The following WDFY2 variants were observed in gnomAD, a reference collection of about 807,000 sequenced individuals.
WDFY2 encodes the protein WD repeat and FYVE domain containing 2.
In WDFY2, 36 loss-of-function variants were observed where a neutral mutation model predicts 56.4. That is an observed-to-expected ratio of 0.64 (90% CI 0.49 to 0.84). The LOEUF is 0.84. WDFY2 is among the 40% of genes least tolerant of loss of function. The pLI, the probability that WDFY2 is intolerant of heterozygous loss-of-function variation, is 0.00. For synonymous variants in WDFY2, 176 were observed against 183.7 expected (o/e 0.96, Z 0.34); for missense variants, 444 against 512.2 (o/e 0.87, Z 1.29).
At chr13:51,622,950 C>T (rs536092198) in intron 1 of WDFY2, among the ~76,000 whole-genome samples, 36 of 151,366 alleles carry the variant, frequency 2.4e-4, no homozygotes, top group African/African-American at 8.3e-4. Context: ...CTCCACCTCC[C>T]GGGTTCAAGC....
At chr13:51,707,627 A>G (rs1318099184) in intron 4 of WDFY2, among the ~76,000 whole-genome samples, 1 of 152,216 alleles carries the variant, frequency 6.6e-6, no homozygotes, top group Non-Finnish European at 1.5e-5. Context: ...GAAGTCCTTC[A>G]GGGAAAAAGA....
chr13:51,623,519 TA>T lies in WDFY2; in HGVS notation c.138-37067del, dbSNP rs543601525. On this transcript the variant is annotated intron_variant, in intron 1 of 11. Coordinates refer to ENST00000298125, the MANE Select transcript of WDFY2 (RefSeq NM_052950.4). Reference sequence around the variant, plus strand: ...TTACTGCCTAAGGTAAGAGTTCCATTAAAAAAAAAATCTCCATTTTTTAAAT... The same window carrying T: ...TTACTGCCTAAGGTAAGAGTTCCATTAAAAAAAAATCTCCATTTTTTAAAT... 2.5e-4 allele frequency among the ~76,000 whole-genome samples: 37 copies of T among 149,922 alleles called. No individual in the cohort carries two copies. The East Asian group carries it at 2.7e-3, about 11-fold the overall frequency.
At chr13:51,706,886 T>C (rs920225963) in intron 4 of WDFY2, among the ~76,000 whole-genome samples, 1 of 152,122 alleles carries the variant, frequency 6.6e-6, no homozygotes, top group Non-Finnish European at 1.5e-5. Flanking sequence ...AACGGGATGA[T>C]TGGAGTACCA....
At chr13:51,720,259 C>T (rs1240901040) in intron 5 of WDFY2, among the ~76,000 whole-genome samples, 12 of 152,248 alleles carry the variant, frequency 7.9e-5, no homozygotes, top group Middle Eastern at 3.4e-3. Flanking sequence ...GTGCGGCATT[C>T]AAAGGTATAT....
intron 1 of WDFY2, among the ~76,000 whole-genome samples, chr13:51,611,994 C>T (rs753120592): frequency 2.0e-5 from 3 of 152,070 alleles, no homozygotes; most frequent in African/African-American, 4.8e-5. Flanking sequence ...AAGAGCCAGC[C>T]GTCAAATGAA....
chr13:51,740,713 CAA>C (rs5803567), intron 7 of WDFY2, among the ~76,000 whole-genome samples: 55 of 90,176 alleles, frequency 6.1e-4, no homozygotes, highest in African/African-American at 1.2e-3. Flanking sequence ...GACTCCGTCT[CAA>C]AAAAAAAAAA....
In WDFY2 at chr13:51,584,661, G is replaced by C; in HGVS notation, c.-27G>C. On this transcript the variant is annotated 5_prime_UTR_variant, in exon 1 of 12. Transcript: ENST00000298125. ...CCGGCCCCGCGGCGCGGTTGGCGGC[G>C]GCGCCCCAGGCGCGCCCCCTCCTCC... The C allele has an allele frequency of 6.3e-7, 1 of 1,599,918 alleles. No individual in the cohort carries two copies.
intron 3 of WDFY2, among the ~76,000 whole-genome samples, chr13:51,703,029 C>G (rs1246612586): frequency 6.6e-6 from 1 of 152,152 alleles, no homozygotes; most frequent in Non-Finnish European, 1.5e-5. Flanking sequence ...ATTTGACATT[C>G]AGACTAATCT....
intron 3 of WDFY2, among the ~76,000 whole-genome samples, chr13:51,690,197 T>TA (rs58206936): frequency 0.96 from 144,077 of 149,400 alleles, 69,404 homozygotes; most frequent in East Asian, 0.98. Context: ...TATATATATA[T>TA]TTTTTTTATT....
intron 1 of WDFY2, among the ~76,000 whole-genome samples, chr13:51,609,084 C>T (rs1223799311): frequency 6.6e-6 from 1 of 152,008 alleles, no homozygotes; most frequent in African/African-American, 2.4e-5. Context: ...TCTTCCTATT[C>T]AACTCTTTGC....
rs151013435 is a variant in WDFY2, at chr13:51,584,518, G to C, written c.-170G>C. ...GCGGTTTTGGTGCCTGAAGCAGGGA[G>C]CGCGGAGTCGTTCCCGAGAGAGGCG... On this transcript the variant is annotated 5_prime_UTR_variant, in exon 1 of 12. Transcript: ENST00000298125. The C allele has an allele frequency of 3.4e-6, 3 of 891,498 alleles. No homozygotes were observed. In the African/African-American group the frequency reaches 5.2e-5, roughly 15 times the overall value. 55.2% of individuals were successfully genotyped at this position (891,498 alleles called of 1,614,324 possible).
intron 1 of WDFY2, among the ~76,000 whole-genome samples, chr13:51,626,353 T>G (rs1472599289): frequency 6.6e-6 from 1 of 152,244 alleles, no homozygotes; most frequent in Non-Finnish European, 1.5e-5. Context: ...CTCCATTCCC[T>G]TCTCTGTAAA....
rs1955915508 is a variant in WDFY2, at chr13:51,678,031, G to T, written c.279+2788G>T. ...CCTTTTGCTCTTTTCTAATCATATA[G>T]CTCAGAATTCTGCTCTGCCATCTTG... On this transcript the variant is annotated intron_variant, in intron 3 of 11. Transcript: ENST00000298125. 2.0e-5 allele frequency among the ~76,000 whole-genome samples: 3 copies of T among 152,094 alleles called. No individual in the cohort carries two copies. The South Asian group carries it at 6.2e-4, about 32-fold the overall frequency.
chr13:51,743,377 T>C (rs1183781945), intron 7 of WDFY2, among the ~76,000 whole-genome samples: 1 of 152,206 alleles, frequency 6.6e-6, no homozygotes, highest in Non-Finnish European at 1.5e-5. Context: ...CTTTCTGATC[T>C]TCAGTTTTCT....
chr13:51,731,692 G>A (rs778956859), intron 6 of WDFY2, among the ~76,000 whole-genome samples: 6 of 152,190 alleles, frequency 3.9e-5, no homozygotes, highest in Non-Finnish European at 8.8e-5. Context: ...TGGGCCCTGG[G>A]AGGTCCCAAA....
chr13:51,741,893 C>A (rs1952983036), intron 7 of WDFY2, among the ~76,000 whole-genome samples: 1 of 152,190 alleles, frequency 6.6e-6, no homozygotes, highest in African/African-American at 2.4e-5. Flanking sequence ...ACTGGGGATA[C>A]TAAAATGAGC....
chr13:51,715,617 T>A (rs183274151), intron 4 of WDFY2, among the ~76,000 whole-genome samples: 44 of 152,250 alleles, frequency 2.9e-4, no homozygotes, highest in African/African-American at 1.0e-3. Flanking sequence ...CATTTTAAAA[T>A]ATATATATAA....
intron 1 of WDFY2, chr13:51,599,132 C>T (rs1413757561): frequency 6.6e-6 from 1 of 152,330 alleles, no homozygotes; most frequent in African/African-American, 2.4e-5. Flanking sequence ...TGGTCTTGAT[C>T]TCTTGACCTC....
intron 7 of WDFY2, among the ~76,000 whole-genome samples, chr13:51,742,414 G>A (rs1170299591): frequency 6.6e-6 from 1 of 151,776 alleles, no homozygotes; most frequent in Non-Finnish European, 1.5e-5. Context: ...ATTGTATGCT[G>A]TGCTAGCTCT....
Sources: gnomAD v4.1 joint callset for allele counts (sites outside exome capture counted in the v4.1 genomes callset) on GRCh38, gnomAD v4.1.1 for gene constraint, MANE v1.5 for transcripts, NCBI Gene and HGNC (gene_info 2026-07-23, HGNC 2026-07-21) for gene names.